Variants in STK39 observed in about 807,000 individuals in gnomAD.
STK39 encodes the protein STE20/SPS1-related proline-alanine-rich protein kinase.
STK39 carries 20 observed loss-of-function variants against 77.8 expected under a neutral mutation model. That is an observed-to-expected ratio of 0.26 (90% CI 0.18 to 0.37). The LOEUF (loss-of-function observed/expected upper bound fraction) is 0.37, where lower values mean the gene tolerates loss of function less well. Ranked by LOEUF, STK39 falls within the 10% of genes least tolerant of loss-of-function variation. STK39 has a pLI of 1.00. For synonymous variants in STK39, 246 were observed against 234.1 expected (o/e 1.05, Z -0.47); for missense variants, 479 against 656.5 (o/e 0.73, Z 2.95).
At chr2:168,018,554 G>GAAAGAAAGAAAGAA (rs1684485156) in intron 14 of STK39, among the ~76,000 whole-genome samples, 2 of 140,510 alleles carry the variant, frequency 1.4e-5, no homozygotes. Flanking sequence ...AAGAAAGAAA[G>GAAAGAAAGAAAGAA]AAAGAAAGAA....
At chr2:168,152,833 AAATATT>A (rs1198538195) in intron 5 of STK39, among the ~76,000 whole-genome samples, 1 of 152,204 alleles carries the variant, frequency 6.6e-6, no homozygotes, top group Non-Finnish European at 1.5e-5. Context: ...AACTTAGATC[AAATATT>A]AATAAGTCTA....
In STK39 at chr2:168,223,611, A is replaced by T. The variant is rs540648073; in HGVS notation, c.208+23617T>A. ...AGCAAAAGTGAAGGAGGCAAAGAGGACCATAGCAAGGGTGACAGCTTTGCA... is the reference window on the plus strand; with the variant it reads ...AGCAAAAGTGAAGGAGGCAAAGAGGTCCATAGCAAGGGTGACAGCTTTGCA... On this transcript the variant is annotated intron_variant, in intron 1 of 17. Coordinates refer to ENST00000355999, the MANE Select transcript of STK39 (RefSeq NM_013233.3). Among the ~76,000 whole-genome samples the T allele has an allele frequency of 3.3e-5, 5 of 152,180 alleles. No individual in the cohort carries two copies. In the East Asian group the frequency reaches 5.8e-4, roughly 18 times the overall value.
chr2:168,094,819 A>G (rs189624681), intron 10 of STK39, among the ~76,000 whole-genome samples: 1 of 152,230 alleles, frequency 6.6e-6, no homozygotes, highest in East Asian at 1.9e-4. Context: ...GGAAATCCCA[A>G]TGGAACTTCC....
intron 17 of STK39, among the ~76,000 whole-genome samples, chr2:167,957,142 T>C (rs375791275): frequency 1.8e-4 from 27 of 152,318 alleles, no homozygotes; most frequent in East Asian, 5.8e-4. Context: ...GTACCTTGAA[T>C]ATTTTCAAAT....
Position 167,984,183 on chromosome 2 carries a change from G to T in STK39, c.1499-19457C>A, listed in dbSNP as rs550166765. Among the ~76,000 whole-genome samples, 3 of 152,316 alleles carry T rather than the reference G, an allele frequency of 2.0e-5. No homozygotes were observed. The South Asian group carries it at 6.2e-4, about 32-fold the overall frequency. ...CCATAAACTAGTGTTCCTATTAGAT[G>T]CTGAGGAGATATAAACACAAGTAAT... is the stretch of plus-strand genomic sequence containing the variant. On this transcript the variant is annotated intron_variant, in intron 16 of 17. Coordinates refer to ENST00000355999, the MANE Select transcript of STK39 (RefSeq NM_013233.3).
intron 14 of STK39, among the ~76,000 whole-genome samples, chr2:168,056,278 C>T (rs1685523669): frequency 6.6e-6 from 1 of 150,698 alleles, no homozygotes; most frequent in Admixed American, 6.6e-5. Flanking sequence ...TAGAGTGTGA[C>T]ATTTTGAAAA....
At chr2:167,988,352 C>T (rs761685846) in intron 16 of STK39, among the ~76,000 whole-genome samples, 2 of 152,124 alleles carry the variant, frequency 1.3e-5, no homozygotes, top group Middle Eastern at 3.4e-3. Flanking sequence ...AATAGTGAAC[C>T]GAGAGAGAAT....
chr2:168,178,383 T>G (rs1689003908), intron 2 of STK39, among the ~76,000 whole-genome samples: 1 of 151,992 alleles, frequency 6.6e-6, no homozygotes, highest in South Asian at 2.1e-4. Context: ...AAAGAATAAA[T>G]AAAAAAGGAT....
chr2:167,976,552 T>G (rs1198678829), intron 16 of STK39, among the ~76,000 whole-genome samples: 1 of 152,218 alleles, frequency 6.6e-6, no homozygotes, highest in African/African-American at 2.4e-5. Context: ...CAGCCATGCC[T>G]GTAGATAACA....
At chr2:168,129,998 C>T in intron 8 of STK39, among the ~76,000 whole-genome samples, 1 of 152,190 alleles carries the variant, frequency 6.6e-6, no homozygotes, top group East Asian at 1.9e-4. Flanking sequence ...GGGGCGTAAT[C>T]AATTTTCCAT....
chr2:168,027,100 T>C lies in STK39; in HGVS notation c.1377-10005A>G, dbSNP rs556353573. 2.7e-4 allele frequency among the ~76,000 whole-genome samples: 41 copies of C among 152,250 alleles called. No homozygotes were observed. In the Middle Eastern group the frequency reaches 0.01, roughly 38 times the overall value. On this transcript the variant is annotated intron_variant, in intron 14 of 17. Transcript: ENST00000355999. ...CACTGAGTTTGTTGAGGTTGGAGGGTGGGTAAGGTAGGGGAAAGGAAACAG... is the reference window on the plus strand; with the variant it reads ...CACTGAGTTTGTTGAGGTTGGAGGGCGGGTAAGGTAGGGGAAAGGAAACAG...
chr2:168,198,826 T>TA (rs1285794396), intron 1 of STK39, among the ~76,000 whole-genome samples: 1 of 152,238 alleles, frequency 6.6e-6, no homozygotes, highest in Admixed American at 6.5e-5. Flanking sequence ...AGTTTTACAT[T>TA]AAAACAGTTT....
chr2:168,037,242 C>T (rs1559067795), intron 14 of STK39, among the ~76,000 whole-genome samples: 1 of 152,170 alleles, frequency 6.6e-6, no homozygotes, highest in Non-Finnish European at 1.5e-5. Flanking sequence ...AATTCAATCA[C>T]TACTTTCTAA....
chr2:167,976,595 A>G (rs1262588056), intron 16 of STK39, among the ~76,000 whole-genome samples: 2 of 152,054 alleles, frequency 1.3e-5, no homozygotes, highest in Admixed American at 6.5e-5. Context: ...TGAGATTTTC[A>G]GGTTTTTTGC....
At chr2:168,049,009 A>G (rs1447308449) in intron 14 of STK39, among the ~76,000 whole-genome samples, 2 of 152,240 alleles carry the variant, frequency 1.3e-5, no homozygotes, top group Non-Finnish European at 2.9e-5. Context: ...CGTTTGCAAA[A>G]GGAACAAGTG....
chr2:168,097,808 T>C (rs1052724724), intron 10 of STK39, among the ~76,000 whole-genome samples: 1 of 152,234 alleles, frequency 6.6e-6, no homozygotes, highest in Non-Finnish European at 1.5e-5. Context: ...TGCTTGAATT[T>C]ATCCAAGTAT....
chr2:168,194,810 T>C (rs80108235), intron 1 of STK39, among the ~76,000 whole-genome samples: 3,607 of 152,312 alleles, frequency 0.024, 90 homozygotes, highest in East Asian at 0.079. Context: ...TATAACGCTA[T>C]GTCTAAATTC....
At chr2:168,215,288 T>C (rs890561755) in intron 1 of STK39, among the ~76,000 whole-genome samples, 1 of 152,086 alleles carries the variant, frequency 6.6e-6, no homozygotes, top group Admixed American at 6.5e-5. Flanking sequence ...CAAACTGAGG[T>C]TGATTTAATT....
At chr2:168,091,226 G>A (rs1306791406) in intron 10 of STK39, among the ~76,000 whole-genome samples, 1 of 151,576 alleles carries the variant, frequency 6.6e-6, no homozygotes, top group Non-Finnish European at 1.5e-5. Flanking sequence ...AAGACTGAAG[G>A]GTCTGATTCC....
Sources: allele counts gnomAD v4.1 joint callset (sites outside exome capture counted in the v4.1 genomes callset), GRCh38; gene constraint gnomAD v4.1.1; transcripts MANE v1.5; gene names NCBI Gene and HGNC (gene_info 2026-07-23, HGNC 2026-07-21).